The following KLF8 variants were observed in gnomAD, a reference collection of about 807,000 sequenced individuals.
KLF8 encodes Krueppel-like factor 8.
Under a neutral mutation model 18.2 loss-of-function variants are expected in KLF8, and 10 were observed. The observed-to-expected ratio is 0.55, with a 90% CI of 0.34 to 0.93. The LOEUF (loss-of-function observed/expected upper bound fraction) is 0.93. Ranked by LOEUF, KLF8 falls within the 40% of genes least tolerant of loss-of-function variation. The pLI is 0.02. For missense variants in KLF8, 264 were observed against 277.9 expected (o/e 0.95, Z 0.36); for synonymous variants, 109 against 97.3 (o/e 1.12, Z -0.71).
chrX:56,189,446 G>A, the KLF8 span, among the ~76,000 whole-genome samples: 1 of 111,424 alleles, frequency 9.0e-6, no homozygotes, highest in African/African-American at 3.3e-5. Context: ...TTCAACCCTT[G>A]TGGAAGTCAT....
the KLF8 span, among the ~76,000 whole-genome samples, chrX:56,059,030 T>C: frequency 1.8e-5 from 2 of 112,207 alleles, no homozygotes; most frequent in African/African-American, 3.2e-5. Context: ...CCTGACTTTT[T>C]AATGATCATC....
chrX:56,136,485 C>G, the KLF8 span, among the ~76,000 whole-genome samples: 6 of 111,287 alleles, frequency 5.4e-5, no homozygotes, highest in Non-Finnish European at 9.4e-5. Flanking sequence ...ACACACCTGA[C>G]AAAAACAAGC....
At chrX:56,151,493 T>C in the KLF8 span, among the ~76,000 whole-genome samples, 1 of 110,878 alleles carries the variant, frequency 9.0e-6, no homozygotes, top group African/African-American at 3.3e-5. Context: ...GGTGATAGAT[T>C]GGATAGGGGT....
At chrX:56,158,824 A>G in the KLF8 span, among the ~76,000 whole-genome samples, 2 of 111,823 alleles carry the variant, frequency 1.8e-5, no homozygotes, top group Non-Finnish European at 3.8e-5. Context: ...CAATCATGTC[A>G]ACTGCAAACA....
chrX:55,942,376 G>T, the KLF8 span, among the ~76,000 whole-genome samples: 1 of 109,861 alleles, frequency 9.1e-6, no homozygotes, highest in African/African-American at 3.3e-5. Context: ...GTGGGGTGGG[G>T]GGTGGTGGGG....
At chrX:56,263,138 G>A (rs911805513) in intron 2 of KLF8, among the ~76,000 whole-genome samples, 3 of 111,637 alleles carry the variant, frequency 2.7e-5, no homozygotes, top group African/African-American at 6.5e-5. Flanking sequence ...CTGAGAACAG[G>A]GGAGTTTTAT....
rs773726642 is a variant in KLF8 at position 56,265,379 on chromosome X, C to G, written c.281C>G (p.Pro94Arg). The change falls in exon 3 of 6, where the codon CCC becomes CGC. Residue 94 changes from proline (P) to arginine (R), a missense_variant. By Grantham distance (103) the Pro-to-Arg change is moderately radical (BLOSUM62 -2). Around this residue, in one of 2 missense-constraint regions of KLF8, gnomAD observed 221 missense variants for 193.6 expected, o/e 1.14. Transcript: ENST00000468660. ...VEPVDLSFHK[P>R]KAPLQPASML... ...CCAGTTGACCTCTCCTTTCACAAGC[C>G]CAAGGCTCCTCTCCAGCCTGCTAGC... is the stretch of plus-strand genomic sequence containing the variant. The G allele has an allele frequency of 2.4e-5, 29 of 1,209,007 alleles. No homozygotes were observed. Among genetic ancestry groups the G allele is most frequent in the Non-Finnish European group, 3.1e-5 (28 of 894,939 alleles).
the KLF8 span, among the ~76,000 whole-genome samples, chrX:55,923,538 G>T: frequency 2.7e-5 from 3 of 111,192 alleles, no homozygotes; most frequent in Non-Finnish European, 5.7e-5. Context: ...AAGGAAACAA[G>T]AAATTATTCT....
At chrX:56,108,507 T>A in the KLF8 span, among the ~76,000 whole-genome samples, 1 of 112,383 alleles carries the variant, frequency 8.9e-6, no homozygotes, top group East Asian at 2.8e-4. Flanking sequence ...GTATATTATA[T>A]TGATTGGTTT....
At chrX:56,057,099 GC>G in the KLF8 span, among the ~76,000 whole-genome samples, 1 of 111,852 alleles carries the variant, frequency 8.9e-6, no homozygotes, top group African/African-American at 3.2e-5. Context: ...TCGGCTTGGG[GC>G]CAAGGGGTCC....
chrX:56,101,662 G>A, the KLF8 span, among the ~76,000 whole-genome samples: 1 of 111,277 alleles, frequency 9.0e-6, no homozygotes, highest in Non-Finnish European at 1.9e-5. Flanking sequence ...AGCCACTCTG[G>A]TATCTTGCTG....
the KLF8 span, among the ~76,000 whole-genome samples, chrX:55,943,414 T>A: frequency 9.0e-6 from 1 of 110,730 alleles, no homozygotes; most frequent in Non-Finnish European, 1.9e-5. Context: ...TCCCAACATT[T>A]AAAAGTCTGG....
At chrX:56,049,814 A>G in the KLF8 span, among the ~76,000 whole-genome samples, 1 of 109,292 alleles carries the variant, frequency 9.1e-6, no homozygotes, top group Non-Finnish European at 1.9e-5. Flanking sequence ...CTCTTTTTCT[A>G]TTGATTGGAA....
the KLF8 span, among the ~76,000 whole-genome samples, chrX:56,186,840 C>T: frequency 8.9e-6 from 1 of 111,910 alleles, no homozygotes; most frequent in Non-Finnish European, 1.9e-5. Flanking sequence ...AGAACAAAGA[C>T]ACAACATACC....
chrX:56,164,198 T>G, the KLF8 span, among the ~76,000 whole-genome samples: 1 of 103,975 alleles, frequency 9.6e-6, no homozygotes, highest in East Asian at 3.0e-4. Flanking sequence ...ACTTACCAAA[T>G]CATTCAACTT....
the KLF8 span, among the ~76,000 whole-genome samples, chrX:56,159,615 G>A: frequency 8.9e-6 from 1 of 112,206 alleles, no homozygotes; most frequent in South Asian, 3.7e-4. Context: ...TTTAGTCTTG[G>A]GAGGGTGTAT....
the KLF8 span, among the ~76,000 whole-genome samples, chrX:55,975,623 T>A: frequency 2.4e-4 from 27 of 111,547 alleles, no homozygotes; most frequent in Admixed American, 1.0e-3. Context: ...TGTTTTTCTT[T>A]TGAAATTTTT....
At chrX:56,048,179 A>G in the KLF8 span, among the ~76,000 whole-genome samples, 3 of 111,674 alleles carry the variant, frequency 2.7e-5, no homozygotes, top group African/African-American at 9.8e-5. Context: ...CCTTTGTCAG[A>G]TGAGTAGATT....
At chrX:56,053,039 G>T in the KLF8 span, among the ~76,000 whole-genome samples, 18 of 111,709 alleles carry the variant, frequency 1.6e-4, no homozygotes, top group African/African-American at 5.9e-4. Flanking sequence ...TCCAGGTGCC[G>T]TCTGTCACCC....
Sources: gnomAD v4.1 joint callset for allele counts (sites outside exome capture counted in the v4.1 genomes callset) on GRCh38, gnomAD v4.1.1 for gene constraint, gnomAD v4.1.1 regional missense constraint, MANE v1.5 for transcripts, NCBI Gene and HGNC (gene_info 2026-07-23, HGNC 2026-07-21) for gene names.